The following LPP variants were observed in gnomAD, a reference collection of about 807,000 sequenced individuals.
LPP encodes the protein LIM domain containing preferred translocation partner in lipoma.
Under a neutral mutation model 60.4 loss-of-function variants are expected in LPP, and 38 were observed. The ratio of observed to expected loss-of-function variants is 0.63; its 90% CI spans 0.49 to 0.83. LPP has a LOEUF of 0.83. Ranked by LOEUF, LPP falls within the 40% of genes least tolerant of loss-of-function variation. The probability of loss-of-function intolerance (pLI) is 0.00; values close to 1 mark genes in which losing one functional copy is unlikely to be tolerated. For missense variants in LPP, 902 were observed against 783.6 expected (o/e 1.15, Z -1.80); for synonymous variants, 328 against 290.8 (o/e 1.13, Z -1.30).
At position 188,457,739 on chromosome 3, in the gene LPP, A is replaced by ATATAT. The variant is rs1553903684; in HGVS notation, c.194-26853_194-26852insTATAT. On this transcript the variant is annotated intron_variant, in intron 4 of 11. Transcript: ENST00000617246. The stretch of plus-strand genomic sequence containing the variant: ...AACACTGTCTCTACTAAAAAAAAAA[A>ATATAT]ATATATATATATATATAAAATTAGC... 2.9e-3 allele frequency among the ~76,000 whole-genome samples: 403 copies of ATATAT among 140,060 alleles called. 2 individuals carry two copies. Among genetic ancestry groups the ATATAT allele is most frequent in the East Asian group, 0.018 (87 of 4,794 alleles). The allele number at this position is 140,060 out of a possible 152,430, so 91.9% of individuals were successfully genotyped here.
At chr3:188,252,073 TATAC>T (rs1270642527) in intron 2 of LPP, among the ~76,000 whole-genome samples, 1,214 of 80,050 alleles carry the variant, frequency 0.015, 3 homozygotes, top group Non-Finnish European at 0.021. Flanking sequence ...TATATATATA[TATAC>T]ACACACACAC....
intron 2 of LPP, among the ~76,000 whole-genome samples, chr3:188,256,114 ATATAT>A (rs1184419274): frequency 5.3e-5 from 8 of 149,932 alleles, no homozygotes; most frequent in African/African-American, 1.2e-4. Flanking sequence ...ATATAAAGGA[ATATAT>A]TATATTAAGA....
At chr3:188,254,540 G>T (rs2149612102) in intron 2 of LPP, among the ~76,000 whole-genome samples, 1 of 152,322 alleles carries the variant, frequency 6.6e-6, no homozygotes. Context: ...TAATTGGCTT[G>T]CCTATGTTTT....
intron 3 of LPP, among the ~76,000 whole-genome samples, chr3:188,362,327 C>T (rs1769689460): frequency 6.6e-6 from 1 of 152,162 alleles, no homozygotes; most frequent in Non-Finnish European, 1.5e-5. Context: ...ATGCTAATAT[C>T]CTGATCCATC....
At chr3:188,693,685 C>G (rs774146157) in intron 7 of LPP, among the ~76,000 whole-genome samples, 1 of 152,142 alleles carries the variant, frequency 6.6e-6, no homozygotes, top group Non-Finnish European at 1.5e-5. Context: ...CTGTTCATGC[C>G]AGCTGTTGTC....
chr3:188,526,971 C>T (rs879184106), intron 6 of LPP, among the ~76,000 whole-genome samples: 1 of 152,110 alleles, frequency 6.6e-6, no homozygotes, highest in African/African-American at 2.4e-5. Flanking sequence ...TAATTCTTAT[C>T]AAAAGACTTG....
At chr3:188,592,231 T>C (rs1237352372) in intron 6 of LPP, among the ~76,000 whole-genome samples, 1 of 152,116 alleles carries the variant, frequency 6.6e-6, no homozygotes, top group Non-Finnish European at 1.5e-5. Context: ...AACAACATTT[T>C]TGAAGAATTT....
chr3:188,679,655 C>T (rs1387200653), intron 7 of LPP, among the ~76,000 whole-genome samples: 2 of 151,994 alleles, frequency 1.3e-5, no homozygotes, highest in East Asian at 3.9e-4. Context: ...TACATGGATG[C>T]TCTGGTTAGT....
At chr3:188,533,712 A>G (rs1170331360) in intron 6 of LPP, among the ~76,000 whole-genome samples, 2 of 152,158 alleles carry the variant, frequency 1.3e-5, no homozygotes, top group Non-Finnish European at 2.9e-5. Context: ...CACAATGCCC[A>G]TGTTTTACTT....
At chr3:188,545,525 A>C (rs1402829218) in intron 6 of LPP, among the ~76,000 whole-genome samples, 1 of 152,058 alleles carries the variant, frequency 6.6e-6, no homozygotes, top group Non-Finnish European at 1.5e-5. Flanking sequence ...ATAGTACTCC[A>C]TGAAAATAGC....
intron 1 of LPP, chr3:188,179,038 C>CAGAGAGAG (rs10616335): frequency 4.7e-5 from 8 of 168,734 alleles, no homozygotes; most frequent in African/African-American, 9.0e-5. Context: ...GGGAGAGAGA[C>CAGAGAGAG]AGAGAGAGAG....
At chr3:188,421,858 T>C (rs967482534) in intron 4 of LPP, among the ~76,000 whole-genome samples, 1 of 152,190 alleles carries the variant, frequency 6.6e-6, no homozygotes, top group East Asian at 1.9e-4. Flanking sequence ...AATAAATTTA[T>C]TTTTAAAGCC....
At chr3:188,212,365 G>GT (rs1711583808) in intron 1 of LPP, among the ~76,000 whole-genome samples, 1 of 152,166 alleles carries the variant, frequency 6.6e-6, no homozygotes, top group Non-Finnish European at 1.5e-5. Flanking sequence ...GGTGGAGGAG[G>GT]TTTTTTCCTG....
At chr3:188,263,479 G>A (rs1028069710) in intron 2 of LPP, among the ~76,000 whole-genome samples, 5 of 152,122 alleles carry the variant, frequency 3.3e-5, no homozygotes, top group African/African-American at 9.7e-5. Context: ...TCTATGATCT[G>A]TCCTCCCAGA....
chr3:188,469,288 A>T (rs1262633543), intron 4 of LPP, among the ~76,000 whole-genome samples: 1 of 152,130 alleles, frequency 6.6e-6, no homozygotes, highest in Non-Finnish European at 1.5e-5. Context: ...AGAAGAGCCC[A>T]TCCAGAGCTA....
chr3:188,568,676 C>T (rs1432080222), intron 6 of LPP: 1 of 151,800 alleles, frequency 6.6e-6, no homozygotes, highest in Non-Finnish European at 1.5e-5. Context: ...GCCATAACAC[C>T]CTGAATGCAT....
rs531027551 is a variant in LPP, at chr3:188,606,292, C to A, written c.430-2869C>A. On this transcript the variant is annotated intron_variant, in intron 6 of 11. Transcript: ENST00000617246. The stretch of plus-strand genomic sequence containing the variant: ...GTGTAAATCAGATCCTTGAGAAGAC[C>A]TAGTTGGTGTGTGCTGTCATTTTTA... 3.9e-4 allele frequency among the ~76,000 whole-genome samples: 59 copies of A among 152,224 alleles called. 1 individual carries two copies. Among genetic ancestry groups the A allele is most frequent in the African/African-American group, 1.4e-3 (57 of 41,548 alleles).
At chr3:188,482,939 C>T (rs1032749986) in intron 4 of LPP, among the ~76,000 whole-genome samples, 2 of 152,096 alleles carry the variant, frequency 1.3e-5, no homozygotes, top group Admixed American at 6.5e-5. Context: ...GGAGTTCTCC[C>T]CAGACCTACT....
chr3:188,886,418 C>T lies in LPP; in HGVS notation c.*11939C>T. On this transcript the variant is annotated 3_prime_UTR_variant, in exon 12 of 12. Transcript: ENST00000617246. ...TCTTGTCGAATAGACAGAGTATTCC[C>T]ACCCCAGGAATGGATTAATAGAAGA... 5.4e-6 allele frequency: 1 copy of T among 185,264 alleles called. No individual in the cohort carries two copies. Among genetic ancestry groups the T allele is most frequent in the Non-Finnish European group, 1.1e-5 (1 of 89,680 alleles). The allele number at this position is 185,264 out of a possible 1,614,324, so 11.5% of individuals were successfully genotyped here. A position where few individuals can be genotyped will look rare whatever the true frequency, so the allele number is the denominator to read the frequency against.
Sources: gnomAD v4.1 joint callset for allele counts (sites outside exome capture counted in the v4.1 genomes callset) on GRCh38, gnomAD v4.1.1 for gene constraint, MANE v1.5 for transcripts, NCBI Gene and HGNC (gene_info 2026-07-23, HGNC 2026-07-21) for gene names.